The following ALDH1L2 variants were observed in gnomAD, a reference collection of about 807,000 sequenced individuals.
The protein encoded by ALDH1L2 is mitochondrial 10-formyltetrahydrofolate dehydrogenase.
A neutral mutation model predicts 111.0 loss-of-function variants in ALDH1L2; 91 were observed. The ratio of observed to expected loss-of-function variants is 0.82; its 90% CI spans 0.69 to 0.98. ALDH1L2 has a LOEUF of 0.98. Among genes scored for constraint, ALDH1L2 ranks in the 50% least tolerant of loss-of-function variants. The probability of loss-of-function intolerance (pLI) is 0.00; values close to 1 mark genes in which losing one functional copy is unlikely to be tolerated. For synonymous variants in ALDH1L2, 374 were observed against 392.6 expected (o/e 0.95, Z 0.56); for missense variants, 995 against 1,126.8 (o/e 0.88, Z 1.67).
At chr12:105,072,099 T>G (rs1411458914) in intron 2 of ALDH1L2, among the ~76,000 whole-genome samples, 2 of 148,848 alleles carry the variant, frequency 1.3e-5, no homozygotes, top group East Asian at 3.9e-4. Flanking sequence ...AAAAATGTGT[T>G]TAAGTGTATA....
At chr12:105,063,382 AG>A (rs1877128951) in intron 6 of ALDH1L2, among the ~76,000 whole-genome samples, 1 of 152,080 alleles carries the variant, frequency 6.6e-6, no homozygotes, top group South Asian at 2.1e-4. Context: ...AGGCTGAGGC[AG>A]GAGAATGGCG....
At chr12:105,024,509 A>G (rs1364282838) in intron 22 of ALDH1L2, 30 bp from the exon 23 acceptor site, 1 of 1,606,716 alleles carries the variant, frequency 6.2e-7, no homozygotes, top group Non-Finnish European at 8.5e-7. Flanking sequence ...TTGACAGACC[A>G]CATTCAGAGG....
At chr12:105,064,267 C>CCACCATG (rs1439226357) in intron 6 of ALDH1L2, among the ~76,000 whole-genome samples, 1 of 151,672 alleles carries the variant, frequency 6.6e-6, no homozygotes, top group Non-Finnish European at 1.5e-5. Context: ...CAGGTGTGAG[C>CCACCATG]CACCATGGCT....
At chr12:105,037,433 T>C (rs1051602782) in intron 18 of ALDH1L2, among the ~76,000 whole-genome samples, 1 of 152,210 alleles carries the variant, frequency 6.6e-6, no homozygotes, top group Admixed American at 6.5e-5. Flanking sequence ...CTAAAACGCT[T>C]ACCAGAAGCT....
chr12:105,084,042 T>C (rs1878462419), intron 1 of ALDH1L2, among the ~76,000 whole-genome samples: 2 of 152,150 alleles, frequency 1.3e-5, no homozygotes, highest in South Asian at 2.1e-4. Flanking sequence ...GATCTCATGA[T>C]TGAAGTGAAA....
At chr12:105,072,623 A>G (rs942957472) in intron 2 of ALDH1L2, 3 of 152,240 alleles carry the variant, frequency 2.0e-5, no homozygotes, top group Non-Finnish European at 4.4e-5. Context: ...AAATTGTGAA[A>G]GATCATATGG....
chr12:105,080,767 G>A (rs1337834651), intron 1 of ALDH1L2, among the ~76,000 whole-genome samples: 1 of 152,200 alleles, frequency 6.6e-6, no homozygotes, highest in Non-Finnish European at 1.5e-5. Flanking sequence ...TGAGTGTCAT[G>A]TCAGTGCTCA....
intron 10 of ALDH1L2, 135 bp downstream of exon 10, chr12:105,057,938 T>C (rs1876735486): frequency 9.2e-7 from 1 of 1,091,846 alleles, no homozygotes; most frequent in African/African-American, 1.6e-5. Context: ...TTTTATGCCA[T>C]CTGAATTAGA....
At chr12:105,031,703 A>C in intron 20 of ALDH1L2, 66 bp downstream of exon 20, 5 of 1,561,638 alleles carry the variant, frequency 3.2e-6, no homozygotes, top group Non-Finnish European at 4.3e-6. Context: ...CTGGTCTTAA[A>C]CTGTCGCTGT....
intron 1 of ALDH1L2, among the ~76,000 whole-genome samples, chr12:105,078,907 C>A (rs974813340): frequency 1.3e-5 from 2 of 152,234 alleles, no homozygotes; most frequent in South Asian, 4.2e-4. Context: ...ATGTGCACAG[C>A]GTGTCCAATA....
chr12:105,070,830 T>A (rs1203920423), intron 2 of ALDH1L2, 26 bp from the exon 3 acceptor site: 1 of 1,575,636 alleles, frequency 6.3e-7, no homozygotes, highest in East Asian at 2.2e-5. Context: ...AAGATTTTTT[T>A]TTTAGAAGTT....
Position 105,033,219 on chromosome 12 carries a change from AGGTGCTTGAGAAATGCT to A in ALDH1L2, c.2244+1064_2244+1080del, listed in dbSNP as rs57205656. Among the ~76,000 whole-genome samples, 1,116 of 152,342 alleles carry A rather than the reference AGGTGCTTGAGAAATGCT, an allele frequency of 7.3e-3. 13 individuals are homozygous for A. The highest frequency in any genetic ancestry group is 0.024 in the African/African-American group (1,014 of 41,576). On this transcript the variant is annotated intron_variant, in intron 19 of 22. Coordinates refer to ENST00000258494, the MANE Select transcript of ALDH1L2 (RefSeq NM_001034173.4). ...CAGCATGCAGTGTTTGGTACTAAGT[AGGTGCTTGAGAAATGCT>A]GCTGATGAATGAATATGAACAGCAT... is the stretch of plus-strand genomic sequence containing the variant.
chr12:105,049,396 G>A (rs191325967), intron 13 of ALDH1L2, among the ~76,000 whole-genome samples: 17 of 152,228 alleles, frequency 1.1e-4, no homozygotes, highest in Admixed American at 9.2e-4. Flanking sequence ...TTTACTTCCC[G>A]TAGTTGTTAT....
At chr12:105,062,660 C>T (rs1437576840) in intron 7 of ALDH1L2, among the ~76,000 whole-genome samples, 1 of 152,202 alleles carries the variant, frequency 6.6e-6, no homozygotes, top group African/African-American at 2.4e-5. Flanking sequence ...GAGTGGGAAG[C>T]AGGGATTCAC....
chr12:105,075,161 A>C (rs934846830), intron 1 of ALDH1L2, among the ~76,000 whole-genome samples: 4 of 152,254 alleles, frequency 2.6e-5, no homozygotes, highest in Non-Finnish European at 5.9e-5. Context: ...AGACATCTAA[A>C]ATACTACTTT....
intron 17 of ALDH1L2, 89 bp from the exon 18 acceptor site, chr12:105,038,291 CACACACA>C: frequency 2.5e-6 from 1 of 401,722 alleles, no homozygotes; most frequent in Non-Finnish European, 4.4e-6. Context: ...CACACACACA[CACACACA>C]CACACACACA....
rs142763681 is a variant in ALDH1L2 at position 105,026,407 on chromosome 12, C to T, written c.2716+138G>A. On this transcript the variant is annotated intron_variant, in intron 22 of 22. Transcript: ENST00000258494. ...TAGAAATGTTTAATATTTTAAAAAA[C>T]GAATGCCCTTCTAAACCCAGATATA... The T allele has an allele frequency of 1.7e-3, 1,437 of 870,830 alleles. 12 individuals carry two copies. The African/African-American group carries it at 0.022, about 13-fold the overall frequency. The allele number at this position is 870,830 out of a possible 1,614,324, so 53.9% of individuals were successfully genotyped here.
At chr12:105,065,115 A>T in intron 6 of ALDH1L2, 152 bp downstream of exon 6, 1 of 457,454 alleles carries the variant, frequency 2.2e-6, no homozygotes, top group Non-Finnish European at 4.1e-6. Flanking sequence ...TGCACAATAA[A>T]TGCTTAATAC....
intron 16 of ALDH1L2, 128 bp downstream of exon 16, chr12:105,040,479 T>A: frequency 1.1e-6 from 1 of 887,852 alleles, no homozygotes; most frequent in Non-Finnish European, 1.8e-6. Flanking sequence ...CATCCTTAAC[T>A]GTTTGGTGAA....
Sources: allele counts gnomAD v4.1 joint callset (sites outside exome capture counted in the v4.1 genomes callset), GRCh38; gene constraint gnomAD v4.1.1; transcripts MANE v1.5; gene names NCBI Gene and HGNC (gene_info 2026-07-23, HGNC 2026-07-21).